The following CD47 variants were observed in gnomAD, a reference collection of about 807,000 sequenced individuals.
The protein encoded by CD47 is leukocyte surface antigen CD47.
Under a neutral mutation model 44.6 loss-of-function variants are expected in CD47, and 11 were observed. The observed-to-expected ratio is 0.25, with a 90% confidence interval of 0.16 to 0.41. The LOEUF (loss-of-function observed/expected upper bound fraction) is 0.41. Among genes scored for constraint, CD47 ranks in the 10% least tolerant of loss-of-function variants. The pLI is 1.00. For synonymous variants in CD47, 140 were observed against 136.3 expected (o/e 1.03, Z -0.19); for missense variants, 306 against 386.7 (o/e 0.79, Z 1.75).
At chr3:108,049,953 A>C (rs1212567950) in intron 9 of CD47, among the ~76,000 whole-genome samples, 2 of 152,144 alleles carry the variant, frequency 1.3e-5, no homozygotes, top group Non-Finnish European at 2.9e-5. Flanking sequence ...AATTGGAAGT[A>C]ATTGGGATCC....
At chr3:108,078,995 G>A (rs1346783625) in intron 2 of CD47, among the ~76,000 whole-genome samples, 4 of 152,024 alleles carry the variant, frequency 2.6e-5, no homozygotes, top group African/African-American at 9.7e-5. Context: ...AACAGGGGCT[G>A]TAACTCAGAC....
At chr3:108,090,640 C>A (rs1441105145) in intron 1 of CD47, among the ~76,000 whole-genome samples, 1 of 143,806 alleles carries the variant, frequency 7.0e-6, no homozygotes, top group Admixed American at 6.8e-5. Context: ...CCCGCTCTCA[C>A]CCAGGGGGAA....
intron 1 of CD47, among the ~76,000 whole-genome samples, chr3:108,087,950 C>A (rs927338861): frequency 6.6e-6 from 1 of 152,198 alleles, no homozygotes; most frequent in African/African-American, 2.4e-5. Flanking sequence ...TTTAACAAAA[C>A]TGATCCTACA....
intron 5 of CD47, among the ~76,000 whole-genome samples, chr3:108,059,099 C>A (rs1182530775): frequency 6.6e-6 from 1 of 152,122 alleles, no homozygotes; most frequent in Non-Finnish European, 1.5e-5. Flanking sequence ...CTTCTTAATG[C>A]AGAAGCAGAA....
chr3:108,062,491 AATCAAACATTC>A (rs1387307480), intron 3 of CD47, among the ~76,000 whole-genome samples: 1 of 152,208 alleles, frequency 6.6e-6, no homozygotes, highest in Admixed American at 6.5e-5. Context: ...CCTCACAGTC[AATCAAACATTC>A]ATAAGAAACT....
intron 3 of CD47, among the ~76,000 whole-genome samples, chr3:108,064,831 T>C (rs1261313923): frequency 1.3e-5 from 2 of 152,252 alleles, no homozygotes; most frequent in East Asian, 1.9e-4. Flanking sequence ...TCTAGGAAAG[T>C]AATTTTAGAA....
chr3:108,072,166 G>A (rs2079215476), intron 2 of CD47, among the ~76,000 whole-genome samples: 1 of 152,200 alleles, frequency 6.6e-6, no homozygotes, highest in African/African-American at 2.4e-5. Context: ...ATAAAGCCAA[G>A]TAAATGTACT....
chr3:108,072,713 GA>G (rs1240878436), intron 2 of CD47, among the ~76,000 whole-genome samples: 1 of 152,064 alleles, frequency 6.6e-6, no homozygotes, highest in Admixed American at 6.5e-5. Flanking sequence ...ACCCTACCAG[GA>G]AAAAATTTTG....
chr3:108,083,646 T>C (rs1434731040), intron 1 of CD47, among the ~76,000 whole-genome samples: 1 of 152,028 alleles, frequency 6.6e-6, no homozygotes, highest in African/African-American at 2.4e-5. Context: ...ATGTTGCTAA[T>C]AGGCAAAAAC....
At chr3:108,076,949 C>A (rs761526446) in intron 2 of CD47, among the ~76,000 whole-genome samples, 4 of 152,100 alleles carry the variant, frequency 2.6e-5, no homozygotes, top group Non-Finnish European at 5.9e-5. Context: ...TTTTCTTAAG[C>A]TATTAAACAG....
chr3:108,077,654 C>A (rs2079333840), intron 2 of CD47, among the ~76,000 whole-genome samples: 1 of 151,938 alleles, frequency 6.6e-6, no homozygotes, highest in Admixed American at 6.6e-5. Context: ...AAATGTCCTA[C>A]TATAGGTAAG....
chr3:108,061,672 A>G (rs1342563238), intron 3 of CD47, among the ~76,000 whole-genome samples: 1 of 152,232 alleles, frequency 6.6e-6, no homozygotes, highest in African/African-American at 2.4e-5. Flanking sequence ...CTTTTACTAT[A>G]TATGAATCTT....
intron 7 of CD47, chr3:108,055,619 AT>A: frequency 2.0e-6 from 2 of 1,013,332 alleles, no homozygotes; most frequent in Non-Finnish European, 2.8e-6. Flanking sequence ...TATCAATAAA[AT>A]TAGGACACTA....
intron 3 of CD47, among the ~76,000 whole-genome samples, chr3:108,067,055 C>A (rs963994943): frequency 6.6e-6 from 1 of 152,128 alleles, no homozygotes; most frequent in Non-Finnish European, 1.5e-5. Context: ...TGCTCTGTAT[C>A]CAAAGTTATG....
At chr3:108,078,194 C>T (rs1038555294) in intron 2 of CD47, among the ~76,000 whole-genome samples, 1 of 152,052 alleles carries the variant, frequency 6.6e-6, no homozygotes, top group Non-Finnish European at 1.5e-5. Context: ...AGCCAAATGT[C>T]TCAAACCTCT....
intron 3 of CD47, among the ~76,000 whole-genome samples, chr3:108,070,415 G>T (rs1333443118): frequency 6.6e-6 from 1 of 152,094 alleles, no homozygotes; most frequent in Non-Finnish European, 1.5e-5. Context: ...TGAAAATATG[G>T]TTGATTAAAC....
At position 108,044,914 on chromosome 3, in the gene CD47, A is replaced by G. The variant is rs1383357682; in HGVS notation, c.*2374T>C. On this transcript the variant is annotated 3_prime_UTR_variant, in exon 11 of 11. Transcript: ENST00000361309. ...GGGAGTAAAAAGCATATTATGGGACAAAACAGATACATGATGTGCAAAACA... is the reference window on the plus strand; with the variant it reads ...GGGAGTAAAAAGCATATTATGGGACGAAACAGATACATGATGTGCAAAACA... The G allele has an allele frequency of 1.3e-5, 2 of 152,688 alleles. No individual in the cohort carries two copies. Among genetic ancestry groups the G allele is most frequent in the Non-Finnish European group, 2.9e-5 (2 of 68,054 alleles). 9.5% of individuals were successfully genotyped at this position (152,688 alleles called of 1,614,324 possible). A position where few individuals can be genotyped will look rare whatever the true frequency, so the allele number is the denominator to read the frequency against.
intron 9 of CD47, 114 bp from the exon 10 acceptor site, chr3:108,049,765 ATTAAT>A: frequency 5.5e-6 from 4 of 732,404 alleles, no homozygotes; most frequent in Non-Finnish European, 9.8e-6. Context: ...CTACAGCCAA[ATTAAT>A]TGTAAAGCTA....
chr3:108,052,152 T>C, intron 7 of CD47, 182 bp from the exon 8 acceptor site: 1 of 437,308 alleles, frequency 2.3e-6, no homozygotes, highest in Non-Finnish European at 4.2e-6. Context: ...TTATATACAC[T>C]GATTTGAAAA....
Sources: allele counts gnomAD v4.1 joint callset (sites outside exome capture counted in the v4.1 genomes callset), GRCh38; gene constraint gnomAD v4.1.1; transcripts MANE v1.5; gene names NCBI Gene and HGNC (gene_info 2026-07-23, HGNC 2026-07-21).